Variants in TRPC4AP observed in about 807,000 individuals in gnomAD.
The protein encoded by TRPC4AP is transient receptor potential cation channel subfamily C member 4 associated protein, also known as short transient receptor potential channel 4-associated protein.
A neutral mutation model predicts 99.0 loss-of-function variants in TRPC4AP; 45 were observed. The ratio of observed to expected loss-of-function variants is 0.45; its 90% CI spans 0.36 to 0.58. TRPC4AP has a LOEUF of 0.58. Ranked by LOEUF, TRPC4AP falls within the 20% of genes least tolerant of loss-of-function variation. The probability of loss-of-function intolerance (pLI) is 0.00; values close to 1 mark genes in which losing one functional copy is unlikely to be tolerated. For synonymous variants in TRPC4AP, 408 were observed against 385.8 expected, an observed-to-expected ratio of 1.06 and a Z score of -0.67; for missense variants, 879 against 985.3, an observed-to-expected ratio of 0.89 and a Z score of 1.44.
chr20:35,053,061 T>C (rs528033876), intron 5 of TRPC4AP, among the ~76,000 whole-genome samples: 4 of 152,218 alleles, frequency 2.6e-5, no homozygotes, highest in Non-Finnish European at 5.9e-5. Context: ...AAAAATACTT[T>C]TAGTTGATAT....
chr20:35,082,947 G>C (rs1297344917), intron 1 of TRPC4AP, among the ~76,000 whole-genome samples: 1 of 152,136 alleles, frequency 6.6e-6, no homozygotes, highest in Non-Finnish European at 1.5e-5. Flanking sequence ...AAATGTTTAA[G>C]GTTTTTTCCC....
intron 8 of TRPC4AP, among the ~76,000 whole-genome samples, chr20:35,026,552 C>G (rs1321385276): frequency 1.3e-5 from 2 of 152,136 alleles, no homozygotes; most frequent in Admixed American, 1.3e-4. Flanking sequence ...AAGTCTCCTG[C>G]ATTTCCACAT....
chr20:35,053,413 C>T (rs1055626306), intron 5 of TRPC4AP, among the ~76,000 whole-genome samples: 1 of 152,124 alleles, frequency 6.6e-6, no homozygotes, highest in Non-Finnish European at 1.5e-5. Flanking sequence ...TTAAAACGGC[C>T]TCATAAAACT....
chr20:35,063,485 TA>T (rs1432337971), intron 3 of TRPC4AP, among the ~76,000 whole-genome samples: 1 of 152,178 alleles, frequency 6.6e-6, no homozygotes, highest in African/African-American at 2.4e-5. Context: ...TTTGGCGTGA[TA>T]AAAATGTTCT....
intron 2 of TRPC4AP, among the ~76,000 whole-genome samples, chr20:35,071,689 G>C (rs888629082): frequency 6.6e-6 from 1 of 152,090 alleles, no homozygotes; most frequent in African/African-American, 2.4e-5. Flanking sequence ...CCATTAAATG[G>C]ACATTTGGGT....
chr20:35,042,932 T>C (rs1314801524), intron 7 of TRPC4AP, among the ~76,000 whole-genome samples: 1 of 152,216 alleles, frequency 6.6e-6, no homozygotes, highest in Non-Finnish European at 1.5e-5. Context: ...TACCAGCTAC[T>C]TCCTATTAAT....
At chr20:35,062,863 T>C (rs2084042540) in intron 3 of TRPC4AP, among the ~76,000 whole-genome samples, 1 of 152,238 alleles carries the variant, frequency 6.6e-6, no homozygotes, top group Non-Finnish European at 1.5e-5. Flanking sequence ...ATGAATTATA[T>C]CTCAATAAAG....
At chr20:35,092,370 C>T (rs79101357) in intron 1 of TRPC4AP, among the ~76,000 whole-genome samples, 3,585 of 152,272 alleles carry the variant, frequency 0.024, 135 homozygotes, top group African/African-American at 0.081. Flanking sequence ...GCCCAGGGTT[C>T]GTACACGCCA....
chr20:35,040,551 A>G (rs1354439062), intron 7 of TRPC4AP, among the ~76,000 whole-genome samples: 1 of 152,088 alleles, frequency 6.6e-6, no homozygotes, highest in Non-Finnish European at 1.5e-5. Flanking sequence ...ACTTGGACTG[A>G]GCCATGCTAA....
intron 5 of TRPC4AP, among the ~76,000 whole-genome samples, chr20:35,054,227 A>G (rs2083771586): frequency 6.6e-6 from 1 of 151,552 alleles, no homozygotes; most frequent in Non-Finnish European, 1.5e-5. Flanking sequence ...CAGGGTTCAC[A>G]TTTATAATAG....
intron 3 of TRPC4AP, among the ~76,000 whole-genome samples, 175 bp downstream of exon 3, chr20:35,069,121 A>G (rs565179528): frequency 3.3e-5 from 5 of 152,334 alleles, no homozygotes; most frequent in Admixed American, 2.0e-4. Context: ...AAATAAATGA[A>G]TTCTTCTGAA....
chr20:35,059,796 C>T (rs1272206869), intron 3 of TRPC4AP, among the ~76,000 whole-genome samples: 1 of 147,972 alleles, frequency 6.8e-6, no homozygotes, highest in Non-Finnish European at 1.5e-5. Flanking sequence ...AAGAAGAAGG[C>T]GAAGACGAAG....
intron 1 of TRPC4AP, among the ~76,000 whole-genome samples, chr20:35,080,776 A>G (rs1341968946): frequency 2.7e-5 from 4 of 148,210 alleles, no homozygotes; most frequent in Non-Finnish European, 5.9e-5. Context: ...TTGTGCATAC[A>G]GTAAAAACCA....
At chr20:35,060,311 G>A (rs1021453173) in intron 3 of TRPC4AP, among the ~76,000 whole-genome samples, 1 of 152,118 alleles carries the variant, frequency 6.6e-6, no homozygotes, top group African/African-American at 2.4e-5. Context: ...TATACTCCAC[G>A]CATGATGGCT....
intron 3 of TRPC4AP, among the ~76,000 whole-genome samples, chr20:35,069,004 G>A (rs2084230932): frequency 6.8e-6 from 1 of 146,072 alleles, no homozygotes. Flanking sequence ...TCTTAAGCAG[G>A]ACACACAAGA....
chr20:35,091,780 A>C (rs551028596), intron 1 of TRPC4AP, among the ~76,000 whole-genome samples: 2 of 152,336 alleles, frequency 1.3e-5, no homozygotes, highest in African/African-American at 4.8e-5. Flanking sequence ...TTCAGCCCTT[A>C]GTATGCACCA....
In TRPC4AP at chr20:35,002,781, T is replaced by TG. The variant is rs2082420154; in HGVS notation, c.*364dup. The TG allele has an allele frequency of 5.2e-6, 1 of 192,930 alleles. No homozygotes were observed. Among genetic ancestry groups the TG allele is most frequent in the Admixed American group, 5.4e-5 (1 of 18,506 alleles). 12.0% of individuals were successfully genotyped at this position (192,930 alleles called of 1,614,324 possible). On this transcript the variant is annotated 3_prime_UTR_variant, in exon 19 of 19. Transcript: ENST00000252015. Reference sequence around the variant, plus strand: ...GGAGGCTTGGCTCACAGATGGGGGGTGGGGGTCACCCATATCTTCCTCCCC... The same window carrying TG: ...GGAGGCTTGGCTCACAGATGGGGGGTGGGGGGTCACCCATATCTTCCTCCCC...
intron 1 of TRPC4AP, among the ~76,000 whole-genome samples, chr20:35,082,159 G>T (rs2084664222): frequency 6.6e-6 from 1 of 151,966 alleles, no homozygotes; most frequent in Non-Finnish European, 1.5e-5. Context: ...GGAGAAATAA[G>T]GAAATCCATA....
intron 8 of TRPC4AP, among the ~76,000 whole-genome samples, chr20:35,024,997 AG>A (rs1367312752): frequency 6.6e-6 from 1 of 152,072 alleles, no homozygotes; most frequent in African/African-American, 2.4e-5. Context: ...ACCTGGGAGT[AG>A]GATTTCTAGG....
Sources: gnomAD v4.1 joint callset for allele counts (sites outside exome capture counted in the v4.1 genomes callset) on GRCh38, gnomAD v4.1.1 for gene constraint, MANE v1.5 for transcripts, NCBI Gene and HGNC (gene_info 2026-07-23, HGNC 2026-07-21) for gene names.